DAB1: variants seen among roughly 807,000 people sequenced by gnomAD.
DAB1 encodes disabled homolog 1.
DAB1 carries 15 observed loss-of-function variants against 64.6 expected under a neutral mutation model. That is an observed-to-expected ratio of 0.23 (90% CI 0.16 to 0.36). The LOEUF is 0.36. Ranked by LOEUF, DAB1 falls within the 10% of genes least tolerant of loss-of-function variation. DAB1 has a pLI of 1.00. For synonymous variants in DAB1, 235 were observed against 251.9 expected (o/e 0.93, Z 0.64); for missense variants, 596 against 706.7 (o/e 0.84, Z 1.78).
chr1:57,036,986 T>C (rs562874028), intron 9 of DAB1, among the ~76,000 whole-genome samples: 1 of 152,278 alleles, frequency 6.6e-6, no homozygotes, highest in East Asian at 1.9e-4. Context: ...AGAAAATCTT[T>C]TTTATGGCTT....
intron 7 of DAB1, among the ~76,000 whole-genome samples, chr1:57,449,408 C>A (rs1266869003): frequency 5.8e-5 from 8 of 139,102 alleles, no homozygotes; most frequent in African/African-American, 1.1e-4. Flanking sequence ...TTGACGTGGT[C>A]TTGCTCTGTC....
intron 6 of DAB1, among the ~76,000 whole-genome samples, chr1:57,782,930 G>C (rs1442201588): frequency 6.6e-6 from 1 of 151,892 alleles, no homozygotes; most frequent in African/African-American, 2.4e-5. Flanking sequence ...GACAACCAAA[G>C]AAAATCATTT....
At chr1:58,327,366 T>C (rs907231447) in intron 4 of DAB1, among the ~76,000 whole-genome samples, 2 of 152,116 alleles carry the variant, frequency 1.3e-5, no homozygotes, top group African/African-American at 4.8e-5. Context: ...CAGGCTGTAA[T>C]GTTATAGAAC....
intron 5 of DAB1, among the ~76,000 whole-genome samples, chr1:58,129,295 G>A (rs1028653604): frequency 4.6e-5 from 7 of 151,160 alleles, no homozygotes; most frequent in African/African-American, 1.7e-4. Context: ...TGTGGGATCG[G>A]TGGTGATATC....
chr1:57,488,938 T>A (rs990040027), intron 7 of DAB1, among the ~76,000 whole-genome samples: 1 of 152,234 alleles, frequency 6.6e-6, no homozygotes, highest in Non-Finnish European at 1.5e-5. Flanking sequence ...TCTCTTTTAT[T>A]ACTCTACTAC....
chr1:57,927,110 G>A (rs1328834178), intron 5 of DAB1, among the ~76,000 whole-genome samples: 1 of 152,186 alleles, frequency 6.6e-6, no homozygotes, highest in Non-Finnish European at 1.5e-5. Context: ...AAATGTGGTT[G>A]ATGATGACCA....
chr1:57,567,987 A>C (rs1056954081), intron 7 of DAB1, among the ~76,000 whole-genome samples: 2 of 152,232 alleles, frequency 1.3e-5, no homozygotes, highest in Non-Finnish European at 2.9e-5. Context: ...AAGCCAAAAG[A>C]ACAAAGCTGG....
rs534681457 is a variant in DAB1, at chr1:57,063,192, C to T, written c.664-249G>A. The stretch of plus-strand genomic sequence containing the variant: ...AGGTCGTCTCTGCCATTGGGCTTCT[C>T]GCAGAATCAAAGACTAGAAACTTAC... On this transcript the variant is annotated intron_variant, in intron 8 of 14. Transcript: ENST00000371236. 2.6e-5 allele frequency among the ~76,000 whole-genome samples: 4 copies of T among 151,948 alleles called. No individual in the cohort carries two copies. The East Asian group carries it at 5.8e-4, about 22-fold the overall frequency.
chr1:58,469,054 G>A (rs1203679797), intron 3 of DAB1: 1 of 237,824 alleles, frequency 4.2e-6, no homozygotes, highest in African/African-American at 2.3e-5. Flanking sequence ...ACAGGACAGG[G>A]TCATTAAAGC....
chr1:57,800,757 G>A (rs1651087132), intron 6 of DAB1, among the ~76,000 whole-genome samples: 1 of 152,134 alleles, frequency 6.6e-6, no homozygotes, highest in Non-Finnish European at 1.5e-5. Flanking sequence ...CCAGTGACCT[G>A]TTAGCAGTAT....
intron 6 of DAB1, among the ~76,000 whole-genome samples, chr1:57,772,712 C>T (rs2101832255): frequency 6.6e-6 from 1 of 152,032 alleles, no homozygotes; most frequent in African/African-American, 2.4e-5. Context: ...TAAGCCTTGC[C>T]ATTCTAGTAG....
chr1:57,292,192 T>C (rs1043556522), intron 1 of DAB1, among the ~76,000 whole-genome samples: 2 of 152,130 alleles, frequency 1.3e-5, no homozygotes, highest in African/African-American at 4.8e-5. Flanking sequence ...CAAATGCCAG[T>C]TTCAGTTCAA....
chr1:57,843,459 G>T (rs1266401034), intron 1 of DAB1, among the ~76,000 whole-genome samples: 2 of 152,096 alleles, frequency 1.3e-5, no homozygotes, highest in Non-Finnish European at 2.9e-5. Flanking sequence ...ACCTCAAGGG[G>T]TTACCATGAG....
chr1:58,002,873 T>C (rs1646527795), intron 5 of DAB1, among the ~76,000 whole-genome samples: 1 of 152,202 alleles, frequency 6.6e-6, no homozygotes, highest in Non-Finnish European at 1.5e-5. Context: ...AAATTTAGGC[T>C]AGTTATTTAT....
intron 5 of DAB1, among the ~76,000 whole-genome samples, chr1:57,923,730 G>A (rs1306176143): frequency 1.3e-5 from 2 of 152,134 alleles, no homozygotes; most frequent in African/African-American, 4.8e-5. Context: ...AACCTCAAAA[G>A]GTCTTTATGA....
chr1:58,282,952 C>A (rs9436173), intron 4 of DAB1, among the ~76,000 whole-genome samples: 1 of 152,096 alleles, frequency 6.6e-6, no homozygotes, highest in Non-Finnish European at 1.5e-5. Context: ...AGAGAAGAAG[C>A]CAACTTTGCT....
intron 3 of DAB1, among the ~76,000 whole-genome samples, chr1:58,448,210 T>C (rs371702394): frequency 1.8e-4 from 28 of 152,330 alleles, no homozygotes; most frequent in African/African-American, 6.5e-4. Context: ...AAAGCAGTTG[T>C]TGGCAAAATA....
intron 6 of DAB1, among the ~76,000 whole-genome samples, chr1:57,664,034 A>G (rs1191131513): frequency 6.6e-6 from 1 of 152,206 alleles, no homozygotes; most frequent in Non-Finnish European, 1.5e-5. Flanking sequence ...CAGTTCTGCA[A>G]CTTCACTGCT....
At chr1:57,537,385 G>A (rs577225336) in intron 7 of DAB1, among the ~76,000 whole-genome samples, 3 of 152,224 alleles carry the variant, frequency 2.0e-5, no homozygotes, top group South Asian at 2.1e-4. Context: ...GTTATCCAAC[G>A]GCTATGATCA....
Sources: gnomAD v4.1 joint callset for allele counts (sites outside exome capture counted in the v4.1 genomes callset) on GRCh38, gnomAD v4.1.1 for gene constraint, MANE v1.5 for transcripts, NCBI Gene and HGNC (gene_info 2026-07-23, HGNC 2026-07-21) for gene names.